Variants in QTMAN observed in about 807,000 individuals in gnomAD.
The protein encoded by QTMAN is tRNA-queuosine alpha-mannosyltransferase.
At chr2:144,261,289 A>T in the QTMAN span, among the ~76,000 whole-genome samples, 6 of 152,342 alleles carry the variant, frequency 3.9e-5, no homozygotes, top group Middle Eastern at 3.4e-3. Flanking sequence ...AAGTGATGGG[A>T]ACCACCAGAT....
At chr2:144,162,290 C>A in the QTMAN span, among the ~76,000 whole-genome samples, 3 of 152,004 alleles carry the variant, frequency 2.0e-5, no homozygotes, top group Non-Finnish European at 2.9e-5. Flanking sequence ...ACCTACAACA[C>A]CTGTCATCAA....
At chr2:144,069,488 A>G in the QTMAN span, among the ~76,000 whole-genome samples, 2 of 151,800 alleles carry the variant, frequency 1.3e-5, no homozygotes, top group African/African-American at 4.8e-5. Flanking sequence ...TATCCTAGGG[A>G]AAAAAATAAT....
the QTMAN span, among the ~76,000 whole-genome samples, chr2:144,247,484 G>A: frequency 1.3e-5 from 2 of 152,160 alleles, no homozygotes; most frequent in African/African-American, 4.8e-5. Flanking sequence ...TAACTATACT[G>A]GGAATGTGAG....
the QTMAN span, among the ~76,000 whole-genome samples, chr2:144,042,377 G>GA: frequency 3.3e-5 from 5 of 151,964 alleles, no homozygotes; most frequent in African/African-American, 1.2e-4. Flanking sequence ...TCACTGACAG[G>GA]AAAAACAAAA....
At chr2:144,297,684 G>A in the QTMAN span, among the ~76,000 whole-genome samples, 1 of 148,636 alleles carries the variant, frequency 6.7e-6, no homozygotes, top group Non-Finnish European at 1.5e-5. Context: ...GGGTTCAAAC[G>A]ATTCTCCTAC....
At chr2:144,109,260 T>C in the QTMAN span, among the ~76,000 whole-genome samples, 1 of 152,202 alleles carries the variant, frequency 6.6e-6, no homozygotes, top group Non-Finnish European at 1.5e-5. Flanking sequence ...AACCATCTGA[T>C]CTTTGACAAA....
chr2:144,253,022 CAT>C, the QTMAN span, among the ~76,000 whole-genome samples: 1 of 152,162 alleles, frequency 6.6e-6, no homozygotes, highest in African/African-American at 2.4e-5. Context: ...ATAATCCCCA[CAT>C]GTTGTGGGAG....
the QTMAN span, among the ~76,000 whole-genome samples, chr2:144,240,721 A>G: frequency 2.0e-5 from 3 of 152,230 alleles, no homozygotes; most frequent in Non-Finnish European, 4.4e-5. Context: ...GGAGAAATGC[A>G]AACAGTCCAC....
chr2:144,226,851 G>C, the QTMAN span, among the ~76,000 whole-genome samples: 1 of 152,182 alleles, frequency 6.6e-6, no homozygotes, highest in South Asian at 2.1e-4. Flanking sequence ...TTAGACACTG[G>C]AGGAGTTGTA....
the QTMAN span, among the ~76,000 whole-genome samples, chr2:144,190,952 C>T: frequency 2.6e-5 from 4 of 152,342 alleles, no homozygotes; most frequent in Admixed American, 2.6e-4. Flanking sequence ...CCTCTTTTCA[C>T]ATCAAAATCC....
the QTMAN span, among the ~76,000 whole-genome samples, chr2:144,125,381 G>A: frequency 2.2e-3 from 340 of 152,152 alleles, 3 homozygotes; most frequent in African/African-American, 8.1e-3. Context: ...AAGACTGGAG[G>A]TGTTAGCCTT....
the QTMAN span, among the ~76,000 whole-genome samples, chr2:144,064,976 C>T: frequency 1.3e-5 from 2 of 152,022 alleles, no homozygotes; most frequent in East Asian, 1.9e-4. Context: ...AGAGCAAGGG[C>T]CAACACATGA....
chr2:144,001,315 C>T, the QTMAN span, among the ~76,000 whole-genome samples: 1 of 151,744 alleles, frequency 6.6e-6, no homozygotes, highest in African/African-American at 2.4e-5. Context: ...ATGTCAAAGT[C>T]GTTCAATCTT....
chr2:143,973,486 T>C, the QTMAN span, among the ~76,000 whole-genome samples: 1 of 152,180 alleles, frequency 6.6e-6, no homozygotes, highest in Non-Finnish European at 1.5e-5. Context: ...TTTGGGGTTT[T>C]CTTTTTAGAA....
At chr2:144,094,140 A>T in the QTMAN span, among the ~76,000 whole-genome samples, 2 of 152,244 alleles carry the variant, frequency 1.3e-5, no homozygotes, top group African/African-American at 4.8e-5. Context: ...ACTGCGCATT[A>T]AATGTCAAGA....
At chr2:144,166,907 A>G in the QTMAN span, among the ~76,000 whole-genome samples, 1 of 152,138 alleles carries the variant, frequency 6.6e-6, no homozygotes, top group Admixed American at 6.6e-5. Flanking sequence ...CCCCAAGCAC[A>G]TGTGACTGTG....
the QTMAN span, chr2:144,230,241 C>A: frequency 4.6e-5 from 7 of 152,084 alleles, no homozygotes; most frequent in African/African-American, 1.7e-4. Context: ...AGAACTATAC[C>A]ATATGGTCCA....
chr2:144,295,473 A>G, the QTMAN span, among the ~76,000 whole-genome samples: 6 of 152,238 alleles, frequency 3.9e-5, no homozygotes, highest in Non-Finnish European at 7.3e-5. Context: ...CAGCATTTTC[A>G]TAAATTATAA....
chr2:144,268,626 C>T, the QTMAN span, among the ~76,000 whole-genome samples: 1 of 152,138 alleles, frequency 6.6e-6, no homozygotes, highest in African/African-American at 2.4e-5. Context: ...TTGTTTAAAC[C>T]ACCCAGTTGA....
Sources: gnomAD v4.1 joint callset for allele counts (sites outside exome capture counted in the v4.1 genomes callset) on GRCh38, gnomAD v4.1.1 for gene constraint, MANE v1.5 for transcripts, NCBI Gene and HGNC (gene_info 2026-07-23, HGNC 2026-07-21) for gene names.